Variants in SULT1A2 observed in about 807,000 individuals in gnomAD.
The protein encoded by SULT1A2 is sulfotransferase family 1A member 2.
In SULT1A2, 33 loss-of-function variants were observed where a neutral mutation model predicts 36.0. The observed-to-expected ratio is 0.92, with a 90% CI of 0.69 to 1.22. The LOEUF is 1.22. Ranked by LOEUF, SULT1A2 falls within the 50% of genes most tolerant of loss-of-function variation. The pLI is 0.00. For missense variants in SULT1A2, 367 were observed against 383.2 expected (o/e 0.96, Z 0.35); for synonymous variants, 138 against 144.5 (o/e 0.96, Z 0.32).
Position 28,593,237 on chromosome 16 carries a change from C to G in SULT1A2, c.594+15G>C. 2.5e-6 allele frequency: 4 copies of G among 1,612,802 alleles called. No individual in the cohort carries two copies. The highest frequency in any genetic ancestry group is 3.4e-6 in the Non-Finnish European group (4 of 1,179,956). ...CCAGGTGTCACGTGGAGGGAAGCAT[C>G]AAAGGCGGTCTCACCTCCTTCATGT... On this transcript the variant is annotated intron_variant, in intron 6 of 7. Transcript: ENST00000335715.
In SULT1A2 at chr16:28,595,816, C is replaced by T; in HGVS notation, c.115G>A (p.Asp39Asn). 1 of 1,612,288 alleles carries T rather than the reference C, an allele frequency of 6.2e-7. No individual in the cohort carries two copies. Among genetic ancestry groups the T allele is most frequent in the Middle Eastern group, 1.9e-4 (1 of 5,210 alleles). Residue 39 changes from aspartate to asparagine, a missense_variant, in exon 2 of 8, where the codon GAT (aspartate) becomes AAT (asparagine). Physicochemically the swap from Asp to Asn is conservative, Grantham distance 23 (BLOSUM62 1). Coordinates refer to ENST00000335715, the MANE Select transcript of SULT1A2 (RefSeq NM_001054.4). The part of the protein sequence containing the change: ...GPLQSFQARP[D>N]DLLISTYPKS... The stretch of plus-strand genomic sequence containing the variant: ...GGGTAGGTGCTGATGAGCAGGTCAT[C>T]AGGCCGGGCCTGGAAGCTCTGCAGG...
At position 28,596,682 on chromosome 16, in the gene SULT1A2, A is replaced by C. The variant is rs529238406; in HGVS notation, c.-5+315T>G. The C allele has an allele frequency of 1.9e-5, 4 of 206,596 alleles. No individual in the cohort carries two copies. The South Asian group carries it at 2.6e-4, about 14-fold the overall frequency. The allele number at this position is 206,596 out of a possible 1,614,324, so 12.8% of individuals were successfully genotyped here. A position where few individuals can be genotyped will look rare whatever the true frequency, so the allele number is the denominator to read the frequency against. ...CCATCTCTAAAAATCTTTTAAAAATATTTTTTAAAACTATCCAGGCAGGAT... is the reference window on the plus strand; with the variant it reads ...CCATCTCTAAAAATCTTTTAAAAATCTTTTTTAAAACTATCCAGGCAGGAT... On this transcript the variant is annotated intron_variant, in intron 1 of 7. Transcript: ENST00000335715.
chr16:28,596,905 G>A (rs2047065066), intron 1 of SULT1A2, 92 bp downstream of exon 1: 11 of 887,984 alleles, frequency 1.2e-5, no homozygotes, highest in South Asian at 1.2e-4. Flanking sequence ...TGGGGAGAGG[G>A]CAGGGATAGC....
At position 28,595,863 on chromosome 16, in the gene SULT1A2, T is replaced by C; in HGVS notation, c.68A>G (p.Tyr23Cys). 6.2e-7 allele frequency: 1 copy of C among 1,611,228 alleles called. No individual in the cohort carries two copies. Among genetic ancestry groups the C allele is most frequent in the Non-Finnish European group, 8.5e-7 (1 of 1,179,192 alleles). The change falls in exon 2 of 8, where the codon TAC (tyrosine) becomes TGC (cysteine). Residue 23 changes from tyrosine to cysteine, a missense_variant. Tyr to Cys is a radical substitution (Grantham distance 194). Coordinates refer to ENST00000335715, the MANE Select transcript of SULT1A2 (RefSeq NM_001054.4). ...EYVKGVPLIK[Y>C]FAEALGPLQS... ...CAGGGGCCCCAGTGCCTCTGCAAAG[T>C]ACTTGATGAGCGGGACCCCCTTCAC... is the stretch of plus-strand genomic sequence containing the variant.
Position 28,593,574 on chromosome 16 carries a change from G to A in SULT1A2, c.373-6C>T. The A allele has an allele frequency of 6.2e-7, 1 of 1,614,086 alleles. No homozygotes were observed. Among genetic ancestry groups the A allele is most frequent in the Non-Finnish European group, 8.5e-7 (1 of 1,179,990 alleles). ...TTGCGGGCAACATAGACCACCTGCA[G>A]GGGCAGAAGACTCAACCCCAGCACC... On this transcript the variant is annotated splice_polypyrimidine_tract_variant and splice_region_variant and intron_variant, in intron 4 of 7. Transcript: ENST00000335715.
intron 5 of SULT1A2, 25 bp downstream of exon 5, chr16:28,593,417 C>T (rs1260626672): frequency 6.2e-7 from 1 of 1,614,082 alleles, no homozygotes; most frequent in African/African-American, 1.3e-5. Flanking sequence ...TAGCTCCACA[C>T]CTTCCTTCCT....
Position 28,593,492 on chromosome 16 carries a change from G to C in SULT1A2, c.449C>G (p.Pro150Arg), listed in dbSNP as rs2047021992. The part of the protein sequence containing the change: ...YHFYHMAKVY[P>R]HPGTWESFLE... Reference sequence around the variant, plus strand: ...GAAGCTTTCCCAGGTCCCAGGGTGAGGGTACACTTTGGCCATGTGGTAGAA... The same window carrying C: ...GAAGCTTTCCCAGGTCCCAGGGTGACGGTACACTTTGGCCATGTGGTAGAA... Residue 150 changes from proline to arginine, a missense_variant, in exon 5 of 8, where the codon CCT becomes CGT. Transcript: ENST00000335715. 8.1e-6 allele frequency: 13 copies of C among 1,614,150 alleles called. No individual in the cohort carries two copies. The highest frequency in any genetic ancestry group is 9.3e-6 in the Non-Finnish European group (11 of 1,180,046).
At chr16:28,592,512 C>A (rs567016461) in intron 6 of SULT1A2, 69 bp from the exon 7 acceptor site, 1 of 1,609,756 alleles carries the variant, frequency 6.2e-7, no homozygotes, top group Non-Finnish European at 8.5e-7. Flanking sequence ...GGGTCCACTT[C>A]TCTAACCTCA....
intron 4 of SULT1A2, among the ~76,000 whole-genome samples, 162 bp from the exon 5 acceptor site, chr16:28,593,730 A>G (rs1363380246): frequency 7.2e-5 from 11 of 152,098 alleles, no homozygotes; most frequent in African/African-American, 2.2e-4. Context: ...ACCCTGCTCA[A>G]AAGCCAAAGT....
In SULT1A2 at chr16:28,593,361, A is replaced by C; in HGVS notation, c.500-15T>G. 6.2e-7 allele frequency: 1 copy of C among 1,614,184 alleles called. No individual in the cohort carries two copies. ...CCCATAGGACACTGGAGAAGCGGGC[A>C]GGGAGTGCCGACACAGGGTTGCTGT... On this transcript the variant is annotated splice_polypyrimidine_tract_variant and intron_variant, in intron 5 of 7. Coordinates refer to ENST00000335715, the MANE Select transcript of SULT1A2 (RefSeq NM_001054.4).
At chr16:28,594,993 G>T (rs1164478044) in intron 4 of SULT1A2, among the ~76,000 whole-genome samples, 1 of 151,940 alleles carries the variant, frequency 6.6e-6, no homozygotes, top group African/African-American at 2.4e-5. Flanking sequence ...ATGTTGGCCA[G>T]GCTGATCTCA....
intron 1 of SULT1A2, chr16:28,596,527 G>A: frequency 4.7e-6 from 2 of 427,312 alleles, no homozygotes; most frequent in South Asian, 6.0e-5. Flanking sequence ...AGCCTGATGT[G>A]GGAATGAGCA....
chr16:28,593,874 C>T (rs1460883720), intron 4 of SULT1A2, among the ~76,000 whole-genome samples: 1 of 152,144 alleles, frequency 6.6e-6, no homozygotes, highest in African/African-American at 2.4e-5. Flanking sequence ...CCTGTGAGGA[C>T]CCACCCTCTA....
Position 28,595,557 on chromosome 16 carries a change from A to G in SULT1A2, c.267T>C (p.Ile89=). ...CACCCAGGACACACACACCTGAGGG[A>G]ATCCCTGGGACTTTGAACTCAAGGA... The part of the protein sequence containing the change: ...VPFLEFKVPG[I]PSGMETLKNT... Residue 89 remains isoleucine (I), a synonymous_variant, in exon 3 of 8, where the codon ATT becomes ATC. Coordinates refer to ENST00000335715, the MANE Select transcript of SULT1A2 (RefSeq NM_001054.4). The G allele has an allele frequency of 6.2e-7, 1 of 1,614,098 alleles. No individual in the cohort carries two copies. The highest frequency in any genetic ancestry group is 8.5e-7 in the Non-Finnish European group (1 of 1,180,014).
rs543638385 is a variant in SULT1A2 at position 28,594,030 on chromosome 16, G to T, written c.373-462C>A. 2.6e-5 allele frequency among the ~76,000 whole-genome samples: 4 copies of T among 151,854 alleles called. No individual in the cohort carries two copies. In the South Asian group the frequency reaches 8.3e-4, roughly 32 times the overall value. On this transcript the variant is annotated intron_variant, in intron 4 of 7. Transcript: ENST00000335715. ...CAGGACCAAAGCTGGGCTGAGCCGG[G>T]GCCTCCTTCCCTGGATTCACATGCC... is the stretch of plus-strand genomic sequence containing the variant.
At chr16:28,595,500 A>G in intron 3 of SULT1A2, 36 bp from the exon 4 acceptor site, 2 of 1,614,126 alleles carry the variant, frequency 1.2e-6, no homozygotes, top group Non-Finnish European at 1.7e-6. Flanking sequence ...GGTGAGCTGA[A>G]GCCCCAGCCC....
chr16:28,592,588 T>C (rs781272965), intron 6 of SULT1A2, 145 bp from the exon 7 acceptor site: 2 of 1,454,118 alleles, frequency 1.4e-6, no homozygotes, highest in Non-Finnish European at 1.9e-6. Flanking sequence ...GGGACCCCAG[T>C]CCCTGGGGCA....
Position 28,595,489 on chromosome 16 carries a change from T to C in SULT1A2, c.275-25A>G, listed in dbSNP as rs1188380641. The C allele has an allele frequency of 3.1e-6, 5 of 1,614,124 alleles. No homozygotes were observed. In the South Asian group the frequency reaches 5.5e-5, roughly 18 times the overall value. Reference sequence around the variant, plus strand: ...CCTGAGCAGTGGGTCAGGGAAGGTCTGGTGAGCTGAAGCCCCAGCCCTGTC... The same window carrying C: ...CCTGAGCAGTGGGTCAGGGAAGGTCCGGTGAGCTGAAGCCCCAGCCCTGTC... On this transcript the variant is annotated intron_variant, in intron 3 of 7. Transcript: ENST00000335715.
chr16:28,595,252 C>G (rs544193612), intron 4 of SULT1A2, 115 bp downstream of exon 4: 25 of 1,410,218 alleles, frequency 1.8e-5, no homozygotes, highest in African/African-American at 4.3e-5. Flanking sequence ...CTATGCACAG[C>G]TAAGTTTTTT....
Sources: allele counts gnomAD v4.1 joint callset (sites outside exome capture counted in the v4.1 genomes callset), GRCh38; gene constraint gnomAD v4.1.1; transcripts MANE v1.5; gene names NCBI Gene and HGNC (gene_info 2026-07-23, HGNC 2026-07-21).